PKHD1: variants seen among roughly 807,000 people sequenced by gnomAD.
The protein encoded by PKHD1 is fibrocystin.
Under a neutral mutation model 412.0 loss-of-function variants are expected in PKHD1, and 291 were observed. The observed-to-expected ratio is 0.71, with a 90% CI of 0.64 to 0.78. The LOEUF is 0.78. PKHD1 is among the 30% of genes least tolerant of loss of function. PKHD1 has a pLI of 0.00. For missense variants in PKHD1, 4,825 were observed against 4,950.7 expected, an observed-to-expected ratio of 0.97 and a Z score of 0.76; for synonymous variants, 1,777 against 1,821.5, an observed-to-expected ratio of 0.98 and a Z score of 0.62.
intron 45 of PKHD1, among the ~76,000 whole-genome samples, chr6:51,884,387 A>G (rs1256755898): frequency 4.6e-5 from 7 of 152,200 alleles, no homozygotes; most frequent in Non-Finnish European, 8.8e-5. Context: ...ATATATATCT[A>G]TCTTTGTGCC....
At chr6:51,805,872 T>C (rs6458793) in intron 52 of PKHD1, among the ~76,000 whole-genome samples, 90,751 of 151,926 alleles carry the variant, frequency 0.6, 27,517 homozygotes, top group East Asian at 0.78. Context: ...CCACATTTTC[T>C]TAATCCAGTC....
chr6:51,825,718 T>C (rs1767187583), intron 52 of PKHD1, among the ~76,000 whole-genome samples: 1 of 152,132 alleles, frequency 6.6e-6, no homozygotes. Flanking sequence ...TTTTATGCTG[T>C]TAGGTTTCTG....
chr6:51,681,765 T>C (rs1776696292), intron 60 of PKHD1, among the ~76,000 whole-genome samples: 2 of 152,116 alleles, frequency 1.3e-5, no homozygotes, highest in South Asian at 2.1e-4. Flanking sequence ...GCTATTGTTA[T>C]AAACAAAATT....
intron 23 of PKHD1, 126 bp from the exon 24 acceptor site, chr6:52,046,314 A>G: frequency 1.2e-6 from 1 of 809,734 alleles, no homozygotes; most frequent in Non-Finnish European, 2.2e-6. Flanking sequence ...CCCTTCTGTC[A>G]AAGTAGAACT....
At chr6:51,849,702 T>C (rs1264266005) in intron 49 of PKHD1, among the ~76,000 whole-genome samples, 1 of 152,218 alleles carries the variant, frequency 6.6e-6, no homozygotes, top group Non-Finnish European at 1.5e-5. Context: ...TTTTGAGAAA[T>C]GTCTGTTCAT....
Position 52,058,549 on chromosome 6 carries a change from T to C in PKHD1, c.1286A>G (p.Glu429Gly), listed in dbSNP as rs1333530656. 6.2e-7 allele frequency: 1 copy of C among 1,614,120 alleles called. No homozygotes were observed. Among genetic ancestry groups the C allele is most frequent in the Non-Finnish European group, 8.5e-7 (1 of 1,180,016 alleles). ...CCAGGTCCCTTCATCCCTATTCTGC[T>C]CCCAGGAGTCAAACCAGTCAGCAGT... ...VGTADWFDSW[E>G]QNRDEGTWQQ... The change falls in exon 16 of 67, where the codon GAG (glutamate) becomes GGG (glycine). Residue 429 changes from glutamate to glycine, a missense_variant. Glu to Gly is a moderately conservative substitution (Grantham distance 98, BLOSUM62 -2). Coordinates refer to ENST00000371117, the MANE Select transcript of PKHD1 (RefSeq NM_138694.4).
chr6:51,779,503 T>C lies in PKHD1; in HGVS notation c.8441-3582A>G, dbSNP rs567505290. On this transcript the variant is annotated intron_variant, in intron 53 of 66. Coordinates refer to ENST00000371117, the MANE Select transcript of PKHD1 (RefSeq NM_138694.4). ...TTACCTGATTGCCTCCTTCTCTCAG[T>C]GAGCGCAAGAAGAAACTATGTATTC... Among the ~76,000 whole-genome samples, 301 of 152,206 alleles carry C rather than the reference T, an allele frequency of 2.0e-3. 2 individuals carry two copies. The highest frequency in any genetic ancestry group is 6.7e-3 in the African/African-American group (279 of 41,546).
chr6:52,060,060 G>A lies in PKHD1; in HGVS notation c.1119-18C>T. 1 of 1,434,938 alleles carries A rather than the reference G, an allele frequency of 7.0e-7. No individual in the cohort carries two copies. Among genetic ancestry groups the A allele is most frequent in the Non-Finnish European group, 9.8e-7 (1 of 1,016,540 alleles). 88.9% of individuals were successfully genotyped at this position (1,434,938 alleles called of 1,614,324 possible). On this transcript the variant is annotated intron_variant, in intron 14 of 66. Coordinates refer to ENST00000371117, the MANE Select transcript of PKHD1 (RefSeq NM_138694.4). ...GCCGTGCTCTGTAAAGTAGAACATA[G>A]AGTCAAGCAAGAGTAACCAAGGCCT...
chr6:52,087,453 C>T lies in PKHD1; in HGVS notation c.-104G>A, dbSNP rs1283488871. 6.6e-6 allele frequency: 1 copy of T among 152,176 alleles called. No homozygotes were observed. The highest frequency in any genetic ancestry group is 1.5e-5 in the Non-Finnish European group (1 of 68,030). The allele number at this position is 152,176 out of a possible 1,614,324, so 9.4% of individuals were successfully genotyped here. On this transcript the variant is annotated 5_prime_UTR_variant, in exon 1 of 67. Transcript: ENST00000371117. The stretch of plus-strand genomic sequence containing the variant: ...CAGTACCTTTTTTTTCTGTTTCTGT[C>T]TCCTTGTGACTCAAGGGAGAAATGA...
At chr6:51,856,914 T>G (rs1773400151) in intron 48 of PKHD1, among the ~76,000 whole-genome samples, 1 of 152,202 alleles carries the variant, frequency 6.6e-6, no homozygotes, top group Non-Finnish European at 1.5e-5. Flanking sequence ...GATGAGATCT[T>G]CCAAAAGCAG....
At position 51,912,410 on chromosome 6, in the gene PKHD1, C is replaced by T. The variant is rs1401546820; in HGVS notation, c.6288G>A (p.Val2096=). The change falls in exon 38 of 67, where the codon GTG becomes GTA. Residue 2096 remains valine, a synonymous_variant. Transcript: ENST00000371117. ...AGAGGTCTGTATCCTGCACAGTTTC[C>T]ACAGTGACAATCTCTTCCATCGGTT... ...GAKPMEEIVT[V]ETVQDTDLYL... 1.9e-6 allele frequency: 3 copies of T among 1,612,964 alleles called. No individual in the cohort carries two copies. Among genetic ancestry groups the T allele is most frequent in the South Asian group, 1.1e-5 (1 of 91,060 alleles).
intron 60 of PKHD1, among the ~76,000 whole-genome samples, chr6:51,727,000 G>A (rs1275449472): frequency 6.6e-6 from 1 of 152,126 alleles, no homozygotes; most frequent in African/African-American, 2.4e-5. Flanking sequence ...AAAGGAGAAG[G>A]CGGGAGAGAT....
chr6:51,633,319 G>A (rs1008072379), intron 64 of PKHD1, among the ~76,000 whole-genome samples: 6 of 152,040 alleles, frequency 3.9e-5, no homozygotes, highest in African/African-American at 1.4e-4. Context: ...CCCATTTATG[G>A]AGACAGAAAA....
intron 4 of PKHD1, among the ~76,000 whole-genome samples, chr6:52,081,626 C>A (rs549807415): frequency 6.6e-6 from 1 of 152,070 alleles, no homozygotes; most frequent in Non-Finnish European, 1.5e-5. Context: ...CACACATACA[C>A]CCTGTGGATG....
At chr6:52,045,238 A>C in intron 24 of PKHD1, 150 bp from the exon 25 acceptor site, 1 of 773,646 alleles carries the variant, frequency 1.3e-6, no homozygotes. Context: ...AAATATAGAA[A>C]CGTAACAGTA....
At chr6:51,998,663 A>T (rs941042362) in intron 35 of PKHD1, among the ~76,000 whole-genome samples, 4 of 151,852 alleles carry the variant, frequency 2.6e-5, no homozygotes, top group African/African-American at 9.7e-5. Flanking sequence ...TGTTTGTTTT[A>T]TTGTTTATTT....
rs1561967348 is a variant in PKHD1, at chr6:51,619,149, A to C, written c.12157T>G (p.Ser4053Ala). 4 of 1,614,206 alleles carry C rather than the reference A, an allele frequency of 2.5e-6. No individual in the cohort carries two copies. The highest frequency in any genetic ancestry group is 3.4e-6 in the Non-Finnish European group (4 of 1,180,010). ...CAGAATGCCTCAGTGGCCCCGCAGG[A>C]GGCTTTCTTCTCTTGGGAAAGCCCC... ...SLGLSQEKKA[S>A]CGATEAFCLH... The change falls in exon 67 of 67, where the codon TCC becomes GCC. Residue 4053 changes from serine to alanine, a missense_variant. Physicochemically the swap from Ser to Ala is moderately conservative, Grantham distance 99. Transcript: ENST00000371117.
At chr6:51,661,588 A>C (rs1772881246) in intron 60 of PKHD1, among the ~76,000 whole-genome samples, 1 of 152,110 alleles carries the variant, frequency 6.6e-6, no homozygotes, top group Non-Finnish European at 1.5e-5. Flanking sequence ...GAAGTTGTTG[A>C]TATTAAAGAG....
intron 51 of PKHD1, among the ~76,000 whole-genome samples, chr6:51,831,808 C>T (rs2151517225): frequency 6.6e-6 from 1 of 152,266 alleles, no homozygotes; most frequent in Non-Finnish European, 1.5e-5. Context: ...TCTTTTCAAC[C>T]ATTCTGCTAG....
Sources: gnomAD v4.1 joint callset for allele counts (sites outside exome capture counted in the v4.1 genomes callset) on GRCh38, gnomAD v4.1.1 for gene constraint, MANE v1.5 for transcripts, NCBI Gene and HGNC (gene_info 2026-07-23, HGNC 2026-07-21) for gene names.